Variants in C15orf40 observed in about 807,000 individuals in gnomAD.
C15orf40 encodes UPF0235 protein C15orf40.
In C15orf40, 9 loss-of-function variants were observed where a neutral mutation model predicts 13.9. The ratio of observed to expected loss-of-function variants is 0.65; its 90% confidence interval spans 0.39 to 1.13. C15orf40 has a LOEUF of 1.13. C15orf40 is among the 50% of genes most tolerant of loss of function. The probability of loss-of-function intolerance (pLI) is 0.01; values close to 1 mark genes in which losing one functional copy is unlikely to be tolerated. For synonymous variants in C15orf40, 95 were observed against 69.2 expected (o/e 1.37, Z -1.85); for missense variants, 225 against 188.5 (o/e 1.19, Z -1.13).
rs2031135922 is a variant in C15orf40, at chr15:82,997,229, T to TTTTACCAAAATCGTGATTACCCTGTAC, written c.*8367_*8368insGTACAGGGTAATCACGATTTTGGTAAA. The TTTTACCAAAATCGTGATTACCCTGTAC allele has an allele frequency of 6.8e-6, 1 of 147,788 alleles. No homozygotes were observed. The allele number at this position is 147,788 out of a possible 1,614,324, so 9.2% of individuals were successfully genotyped here. A position where few individuals can be genotyped will look rare whatever the true frequency, so the allele number is the denominator to read the frequency against. ...TTATTTATTTATTTTTATTTTTTTT[T>TTTTACCAAAATCGTGATTACCCTGTAC]AATTTATTTTTTTATTGATAATTCT... On this transcript the variant is annotated 3_prime_UTR_variant, in exon 4 of 4. Coordinates refer to ENST00000304177, the MANE Select transcript of C15orf40 (RefSeq NM_144597.3).
In C15orf40 at chr15:83,010,466, C is replaced by A. The variant is rs2031938494; in HGVS notation, c.112-103G>T. 1.6e-5 allele frequency: 22 copies of A among 1,394,510 alleles called. No homozygotes were observed. The South Asian group carries it at 2.5e-4, about 16-fold the overall frequency. The allele number at this position is 1,394,510 out of a possible 1,614,324, so 86.4% of individuals were successfully genotyped here. On this transcript the variant is annotated intron_variant, in intron 1 of 3. Transcript: ENST00000304177. ...TTTCACCCTTAACAGACAAACTAGG[C>A]TCATCAGTGGTGTCCAGGGACTTCT...
downstream of C15orf40, among the ~76,000 whole-genome samples, chr15:82,989,421 T>G (rs934351282): frequency 6.6e-6 from 1 of 152,244 alleles, no homozygotes; most frequent in Non-Finnish European, 1.5e-5. Context: ...TTTTAGATGT[T>G]TTTTCTGTAG....
Position 82,997,128 on chromosome 15 carries a change from T to C in C15orf40, c.*8469A>G, listed in dbSNP as rs918559273. 2 of 150,418 alleles carry C rather than the reference T, an allele frequency of 1.3e-5. No individual in the cohort carries two copies. The highest frequency in any genetic ancestry group is 4.2e-4 in the South Asian group (2 of 4,818). The allele number at this position is 150,418 out of a possible 1,614,324, so 9.3% of individuals were successfully genotyped here. A position where few individuals can be genotyped will look rare whatever the true frequency, so the allele number is the denominator to read the frequency against. On this transcript the variant is annotated 3_prime_UTR_variant, in exon 4 of 4. Transcript: ENST00000304177. ...TCTCTATCTTGCCTTCTAAATTTCATACCGTTTTCAGCCTCTTCTCTGTTG... is the reference window on the plus strand; with the variant it reads ...TCTCTATCTTGCCTTCTAAATTTCACACCGTTTTCAGCCTCTTCTCTGTTG...
downstream of C15orf40, among the ~76,000 whole-genome samples, chr15:82,994,540 A>T (rs117481319): frequency 1.2e-3 from 180 of 152,262 alleles, 6 homozygotes; most frequent in East Asian, 0.029. Flanking sequence ...ATTTTTTTTA[A>T]ATTAGGCAAT....
intron 3 of C15orf40, 97 bp from the exon 4 acceptor site, chr15:83,005,789 C>G: frequency 7.0e-7 from 1 of 1,433,990 alleles, no homozygotes. Flanking sequence ...CTCCTGATGG[C>G]TTTCTCTTGG....
downstream of C15orf40, chr15:82,990,354 T>G (rs543329557): frequency 4.6e-4 from 128 of 281,162 alleles, no homozygotes; most frequent in East Asian, 3.7e-3. Context: ...AGGAATTCTT[T>G]GTTTTACACA....
Position 83,011,500 on chromosome 15 carries a change from G to T in C15orf40, c.108C>A (p.Thr36=). Residue 36 remains threonine (T), a synonymous_variant, in exon 1 of 4, where the codon ACC becomes ACA. Transcript: ENST00000304177. ...CGCCACGGGACCTGCTACTGGCCTT[G>T]GTCGTCGCACCAGCCTTCTTAGGCA... is the stretch of plus-strand genomic sequence containing the variant. ...AEMPKKAGAT[T]KGKSQSKEPE... 3 of 1,604,708 alleles carry T rather than the reference G, an allele frequency of 1.9e-6. No individual in the cohort carries two copies. The highest frequency in any genetic ancestry group is 2.5e-6 in the Non-Finnish European group (3 of 1,177,272).
At chr15:82,990,165 AGAATGGATTATTGATTTTTTG>A (rs2030800070), downstream of C15orf40, 2 of 486,448 alleles carry the variant, frequency 4.1e-6, no homozygotes, top group Admixed American at 1.1e-4. Flanking sequence ...CTGATTTTAC[AGAATGGATTATTGATTTTTTG>A]GAAGTTGAGA....
Position 82,999,427 on chromosome 15 carries a change from C to T in C15orf40, c.*6170G>A. On this transcript the variant is annotated 3_prime_UTR_variant, in exon 4 of 4. Coordinates refer to ENST00000304177, the MANE Select transcript of C15orf40 (RefSeq NM_144597.3). ...CCCAAGCTGGTCTCAAACTCCTGGC[C>T]ACAAACTATCCTCCTACCTCAGCTT... is the stretch of plus-strand genomic sequence containing the variant. The T allele has an allele frequency of 6.6e-6, 1 of 152,108 alleles. No individual in the cohort carries two copies. Among genetic ancestry groups the T allele is most frequent in the Non-Finnish European group, 1.5e-5 (1 of 68,048 alleles). 9.4% of individuals were successfully genotyped at this position (152,108 alleles called of 1,614,324 possible). A position where few individuals can be genotyped will look rare whatever the true frequency, so the allele number is the denominator to read the frequency against.
In C15orf40 at chr15:82,999,453, C is replaced by T. The variant is rs1454830876; in HGVS notation, c.*6144G>A. On this transcript the variant is annotated 3_prime_UTR_variant, in exon 4 of 4. Coordinates refer to ENST00000304177, the MANE Select transcript of C15orf40 (RefSeq NM_144597.3). ...ACAAACTATCCTCCTACCTCAGCTTCCCAAAGTGCTGGGATTACAAGCGTG... is the reference window on the plus strand; with the variant it reads ...ACAAACTATCCTCCTACCTCAGCTTTCCAAAGTGCTGGGATTACAAGCGTG... 2 of 152,186 alleles carry T rather than the reference C, an allele frequency of 1.3e-5. No individual in the cohort carries two copies. The highest frequency in any genetic ancestry group is 2.9e-5 in the Non-Finnish European group (2 of 68,052). The allele number at this position is 152,186 out of a possible 1,614,324, so 9.4% of individuals were successfully genotyped here. A position where few individuals can be genotyped will look rare whatever the true frequency, so the allele number is the denominator to read the frequency against.
rs1408789645 is a variant in C15orf40 at position 82,998,212 on chromosome 15, G to C, written c.*7385C>G. The C allele has an allele frequency of 6.7e-6, 1 of 150,094 alleles. No homozygotes were observed. 9.3% of individuals were successfully genotyped at this position (150,094 alleles called of 1,614,324 possible). ...TCCCGGACGGCACGGCTGGCCAGGC[G>C]GGGGGCTGACCCCCCCACCTCCCTC... On this transcript the variant is annotated 3_prime_UTR_variant, in exon 4 of 4. Transcript: ENST00000304177.
intron 3 of C15orf40, 45 bp from the exon 4 acceptor site, chr15:83,005,737 T>C: frequency 6.3e-7 from 1 of 1,583,386 alleles, no homozygotes; most frequent in South Asian, 1.1e-5. Context: ...TAGCACATTC[T>C]AATGCTATTA....
chr15:82,990,343 T>C (rs950617668), downstream of C15orf40: 1 of 269,528 alleles, frequency 3.7e-6, no homozygotes, highest in African/African-American at 4.9e-5. Context: ...ATTTGACCTC[T>C]AGGAATTCTT....
intron 1 of C15orf40, 194 bp downstream of exon 1, chr15:83,011,303 C>T: frequency 1.8e-6 from 1 of 540,832 alleles, no homozygotes; most frequent in Non-Finnish European, 3.0e-6. Context: ...TGGACGGCAG[C>T]GCAGCCTACT....
At chr15:82,993,271 G>A (rs530553122), downstream of C15orf40, among the ~76,000 whole-genome samples, 141 of 152,284 alleles carry the variant, frequency 9.3e-4, 1 homozygote, top group African/African-American at 3.3e-3. Context: ...CACAATAGGT[G>A]CTGCATAAAC....
chr15:82,996,292 TTTG>T lies in C15orf40; in HGVS notation c.*9302_*9304del, dbSNP rs2031070121. 1 of 152,160 alleles carries T rather than the reference TTTG, an allele frequency of 6.6e-6. No homozygotes were observed. The highest frequency in any genetic ancestry group is 2.4e-5 in the African/African-American group (1 of 41,430). The allele number at this position is 152,160 out of a possible 1,614,324, so 9.4% of individuals were successfully genotyped here. A position where few individuals can be genotyped will look rare whatever the true frequency, so the allele number is the denominator to read the frequency against. On this transcript the variant is annotated 3_prime_UTR_variant, in exon 4 of 4. Transcript: ENST00000304177. ...TGTTCTAATTGCTAATGGCTAGAGC[TTTG>T]TTGTTTGTGTGTGTATTTTTCTCAT...
At chr15:83,011,241 A>T in intron 1 of C15orf40, 1 of 401,480 alleles carries the variant, frequency 2.5e-6, no homozygotes, top group Non-Finnish European at 4.5e-6. Flanking sequence ...CAGCACACGC[A>T]GCCCAAGGAG....
Position 82,994,897 on chromosome 15 carries a change from C to T in C15orf40, c.*10700G>A, listed in dbSNP as rs1296497180. On this transcript the variant is annotated 3_prime_UTR_variant, in exon 4 of 4. Transcript: ENST00000304177. The stretch of plus-strand genomic sequence containing the variant: ...TCTCAAATTTTAAAATTGATTTAAG[C>T]CCAGTAGCAGAAAATACTCTTGACA... The T allele has an allele frequency of 1.3e-5, 2 of 152,076 alleles. No homozygotes were observed. The highest frequency in any genetic ancestry group is 1.3e-4 in the Admixed American group (2 of 15,260). 9.4% of individuals were successfully genotyped at this position (152,076 alleles called of 1,614,324 possible).
chr15:83,004,358 C>T lies in C15orf40; in HGVS notation c.*1239G>A, dbSNP rs2031560572. On this transcript the variant is annotated 3_prime_UTR_variant, in exon 4 of 4. Coordinates refer to ENST00000304177, the MANE Select transcript of C15orf40 (RefSeq NM_144597.3). Reference sequence around the variant, plus strand: ...TCCATCAATACATCTTTCTCATGTACTTGCTGGACAAAGCGCACAACTGCA... The same window carrying T: ...TCCATCAATACATCTTTCTCATGTATTTGCTGGACAAAGCGCACAACTGCA... 6 of 985,284 alleles carry T rather than the reference C, an allele frequency of 6.1e-6. No individual in the cohort carries two copies. The South Asian group carries it at 1.4e-4, about 23-fold the overall frequency. 61.0% of individuals were successfully genotyped at this position (985,284 alleles called of 1,614,324 possible).
Sources: allele counts gnomAD v4.1 joint callset (sites outside exome capture counted in the v4.1 genomes callset), GRCh38; gene constraint gnomAD v4.1.1; transcripts MANE v1.5; gene names NCBI Gene and HGNC (gene_info 2026-07-23, HGNC 2026-07-21).